SLC2A9: variants seen among roughly 807,000 people sequenced by gnomAD.
SLC2A9 encodes solute carrier family 2, facilitated glucose transporter member 9.
SLC2A9 carries 39 observed loss-of-function variants against 50.6 expected under a neutral mutation model. The ratio of observed to expected loss-of-function variants is 0.77; its 90% CI spans 0.60 to 1.01. The LOEUF (loss-of-function observed/expected upper bound fraction) is 1.01. SLC2A9 is among the 50% of genes least tolerant of loss of function. The pLI, the probability that SLC2A9 is intolerant of heterozygous loss-of-function variation, is 0.00. For synonymous variants in SLC2A9, 324 were observed against 276.9 expected, an observed-to-expected ratio of 1.17 and a Z score of -1.69; for missense variants, 686 against 677.6, an observed-to-expected ratio of 1.01 and a Z score of -0.14.
upstream of SLC2A9, chr4:10,026,069 G>T: frequency 8.1e-7 from 1 of 1,241,338 alleles, no homozygotes; most frequent in Non-Finnish European, 1.2e-6. Context: ...CAAGTCAGGG[G>T]AGGTGGCCTG....
intron 6 of SLC2A9, among the ~76,000 whole-genome samples, chr4:9,935,561 C>T (rs906783897): frequency 6.6e-6 from 1 of 152,180 alleles, no homozygotes; most frequent in Non-Finnish European, 1.5e-5. Context: ...AAACACAGCC[C>T]AGAGAGGTGT....
intron 6 of SLC2A9, among the ~76,000 whole-genome samples, chr4:9,932,527 G>A (rs1450352544): frequency 6.6e-5 from 10 of 152,234 alleles, no homozygotes; most frequent in Non-Finnish European, 1.5e-4. Context: ...GTGGCAGTGA[G>A]AAGAGGGGAC....
At chr4:10,040,017 G>GCT (rs1283079447) in intron 1 of SLC2A9, 1 of 152,602 alleles carries the variant, frequency 6.6e-6, no homozygotes, top group East Asian at 1.9e-4. Flanking sequence ...AGCATAGAGA[G>GCT]CTCCACTTTG....
intron 10 of SLC2A9, among the ~76,000 whole-genome samples, chr4:9,861,294 A>G (rs544302852): frequency 6.6e-6 from 1 of 152,144 alleles, no homozygotes; most frequent in South Asian, 2.1e-4. Context: ...GTGGGGAGGT[A>G]CCACACACTT....
At chr4:9,795,760 A>G (rs1404018704), downstream of SLC2A9, among the ~76,000 whole-genome samples, 1 of 152,216 alleles carries the variant, frequency 6.6e-6, no homozygotes, top group African/African-American at 2.4e-5. Flanking sequence ...TGGTCAGGGC[A>G]CAGGTCCTTT....
chr4:9,902,944 GA>G (rs1178035669), intron 8 of SLC2A9, among the ~76,000 whole-genome samples: 1 of 152,166 alleles, frequency 6.6e-6, no homozygotes, highest in Non-Finnish European at 1.5e-5. Context: ...CAAGCACTGT[GA>G]ATTACAGTAT....
At chr4:9,970,910 A>G (rs924434722) in intron 5 of SLC2A9, among the ~76,000 whole-genome samples, 2 of 152,212 alleles carry the variant, frequency 1.3e-5, no homozygotes, top group Admixed American at 1.3e-4. Context: ...TATAGATTCC[A>G]GACATTATAT....
At chr4:10,021,009 G>A (rs535127210) in intron 1 of SLC2A9, among the ~76,000 whole-genome samples, 4 of 152,344 alleles carry the variant, frequency 2.6e-5, no homozygotes, top group South Asian at 2.1e-4. Context: ...ATGCAAGTGC[G>A]GGGCAGGGCA....
At chr4:9,777,325 C>T (rs1717702523), downstream of SLC2A9, among the ~76,000 whole-genome samples, 1 of 151,086 alleles carries the variant, frequency 6.6e-6, no homozygotes, top group Non-Finnish European at 1.5e-5. Flanking sequence ...GATGGAATCT[C>T]CCTCTGTTAC....
chr4:9,975,443 A>T (rs1037678209), intron 5 of SLC2A9, among the ~76,000 whole-genome samples: 11 of 152,242 alleles, frequency 7.2e-5, no homozygotes, highest in Admixed American at 7.2e-4. Context: ...TGGGAAAAGG[A>T]CATGAACAGA....
chr4:9,814,504 C>T (rs1723309957), intron 3 of SLC2A9, among the ~76,000 whole-genome samples: 1 of 152,108 alleles, frequency 6.6e-6, no homozygotes, highest in African/African-American at 2.4e-5. Context: ...CAAACCATGC[C>T]AAAAGTTGGT....
At chr4:9,973,040 A>G (rs1436384177) in intron 5 of SLC2A9, among the ~76,000 whole-genome samples, 1 of 152,238 alleles carries the variant, frequency 6.6e-6, no homozygotes, top group African/African-American at 2.4e-5. Flanking sequence ...AATGAGATTA[A>G]TAGACCACTA....
rs938561 is a variant in SLC2A9 at position 9,892,470 on chromosome 4, A to T, written c.1114-1759T>A. ...TCCTAGAAACCTGGCCCAGTGGAACAGAGCACAGGTGACATCCAGGGGCAC... is the reference window on the plus strand; with the variant it reads ...TCCTAGAAACCTGGCCCAGTGGAACTGAGCACAGGTGACATCCAGGGGCAC... On this transcript the variant is annotated intron_variant, in intron 8 of 11. Coordinates refer to ENST00000264784, the MANE Select transcript of SLC2A9 (RefSeq NM_020041.3). Among the ~76,000 whole-genome samples the T allele has an allele frequency of 4.3e-3, 648 of 152,346 alleles. 6 individuals carry two copies. Among genetic ancestry groups the T allele is most frequent in the African/African-American group, 0.015 (624 of 41,580 alleles).
At chr4:9,782,964 T>TC (rs1560112743) in intron 3 of SLC2A9, 4 of 1,614,018 alleles carry the variant, frequency 2.5e-6, no homozygotes, top group South Asian at 2.2e-5. Context: ...TGGCTGCCCT[T>TC]CTTCATCCTT....
chr4:9,949,724 C>A (rs1364983557), intron 5 of SLC2A9, among the ~76,000 whole-genome samples: 1 of 152,232 alleles, frequency 6.6e-6, no homozygotes, highest in African/African-American at 2.4e-5. Context: ...TATGCAGATT[C>A]TATCAGGCTG....
At chr4:10,007,681 G>A (rs1345866176) in intron 2 of SLC2A9, among the ~76,000 whole-genome samples, 1 of 152,198 alleles carries the variant, frequency 6.6e-6, no homozygotes, top group Non-Finnish European at 1.5e-5. Context: ...TGTGTTTACA[G>A]GGAACAGTGC....
intron 4 of SLC2A9, 23 bp downstream of exon 4, chr4:9,985,646 T>C: frequency 1.2e-6 from 2 of 1,613,818 alleles, no homozygotes; most frequent in Non-Finnish European, 1.7e-6. Flanking sequence ...TACTGTTCCC[T>C]CCCCGTCATG....
At chr4:9,802,642 A>C (rs999497281) in intron 3 of SLC2A9, among the ~76,000 whole-genome samples, 2 of 148,388 alleles carry the variant, frequency 1.3e-5, no homozygotes, top group African/African-American at 5.0e-5. Flanking sequence ...GCTCACTGCA[A>C]ACCTTTACCT....
At chr4:9,862,065 T>A (rs995151474) in intron 10 of SLC2A9, among the ~76,000 whole-genome samples, 14 of 152,178 alleles carry the variant, frequency 9.2e-5, no homozygotes, top group Non-Finnish European at 2.9e-5. Flanking sequence ...ACTGTTGAGC[T>A]GAAGGCATGT....
Sources: allele counts gnomAD v4.1 joint callset (sites outside exome capture counted in the v4.1 genomes callset), GRCh38; gene constraint gnomAD v4.1.1; transcripts MANE v1.5; gene names NCBI Gene and HGNC (gene_info 2026-07-23, HGNC 2026-07-21).